The following SORCS3 variants were observed in gnomAD, a reference collection of about 807,000 sequenced individuals.
The protein encoded by SORCS3 is sortilin related VPS10 domain containing receptor 3.
Under a neutral mutation model 146.3 loss-of-function variants are expected in SORCS3, and 57 were observed. That is an observed-to-expected ratio of 0.39 (90% CI 0.31 to 0.49). SORCS3 has a LOEUF of 0.49. Ranked by LOEUF, SORCS3 falls within the 20% of genes least tolerant of loss-of-function variation. The probability of loss-of-function intolerance (pLI) is 0.92; values close to 1 mark genes in which losing one functional copy is unlikely to be tolerated. For missense variants in SORCS3, 1,341 were observed against 1,575.5 expected (o/e 0.85, Z 2.52); for synonymous variants, 653 against 618.5 (o/e 1.06, Z -0.83).
intron 1 of SORCS3, among the ~76,000 whole-genome samples, chr10:104,816,568 C>T (rs758914045): frequency 1.3e-5 from 2 of 152,208 alleles, no homozygotes; most frequent in Non-Finnish European, 2.9e-5. Context: ...CAGAGGTACA[C>T]CCAAGTGCAG....
intron 1 of SORCS3, among the ~76,000 whole-genome samples, chr10:104,840,147 A>G (rs937404996): frequency 2.0e-5 from 3 of 152,120 alleles, no homozygotes; most frequent in Non-Finnish European, 2.9e-5. Context: ...TGCTTAGTCA[A>G]TTATGCTTCC....
At chr10:104,994,378 G>A (rs76828960) in intron 4 of SORCS3, among the ~76,000 whole-genome samples, 11,366 of 152,202 alleles carry the variant, frequency 0.075, 472 homozygotes, top group African/African-American at 0.1. Flanking sequence ...ATGCTCATAA[G>A]CATTATTTAA....
intron 18 of SORCS3, among the ~76,000 whole-genome samples, chr10:105,215,602 A>G (rs957626184): frequency 2.6e-5 from 4 of 152,224 alleles, no homozygotes; most frequent in Non-Finnish European, 4.4e-5. Flanking sequence ...TTCCAGGACC[A>G]CAGCTATAAA....
chr10:105,204,286 C>T (rs1450543223), intron 16 of SORCS3, among the ~76,000 whole-genome samples: 1 of 152,082 alleles, frequency 6.6e-6, no homozygotes, highest in Non-Finnish European at 1.5e-5. Flanking sequence ...TTAAATTCCA[C>T]ATTCTCTCCT....
intron 16 of SORCS3, among the ~76,000 whole-genome samples, chr10:105,207,848 A>G (rs1418630280): frequency 6.6e-6 from 1 of 152,200 alleles, no homozygotes; most frequent in Non-Finnish European, 1.5e-5. Flanking sequence ...ACACGGTTAT[A>G]TTTAGCAAAG....
chr10:105,038,357 C>A (rs908453477), intron 4 of SORCS3, among the ~76,000 whole-genome samples: 10 of 152,170 alleles, frequency 6.6e-5, no homozygotes, highest in Admixed American at 6.5e-4. Context: ...GATGCATTGC[C>A]TGTATAAGGA....
intron 1 of SORCS3, among the ~76,000 whole-genome samples, chr10:104,671,251 T>A (rs1251068530): frequency 6.6e-6 from 1 of 150,956 alleles, no homozygotes; most frequent in Non-Finnish European, 1.5e-5. Flanking sequence ...CAGTCTTTTA[T>A]GATTGAGTAT....
Position 104,643,713 on chromosome 10 carries a change from T to G in SORCS3, c.627+1759T>G, listed in dbSNP as rs543858754. Among the ~76,000 whole-genome samples the G allele has an allele frequency of 2.5e-3, 359 of 142,556 alleles. 3 individuals carry two copies. Among genetic ancestry groups the G allele is most frequent in the South Asian group, 0.024 (110 of 4,544 alleles). 93.5% of individuals were successfully genotyped at this position (142,556 alleles called of 152,430 possible). A position where few individuals can be genotyped will look rare whatever the true frequency, so the allele number is the denominator to read the frequency against. ...TCATTTTAGTTTGATAATTAGGGTG[T>G]GTGTGTGTGTGTGTGTGTGTGTGTG... On this transcript the variant is annotated intron_variant, in intron 1 of 26. Coordinates refer to ENST00000369701, the MANE Select transcript of SORCS3 (RefSeq NM_014978.3).
chr10:105,197,533 A>T (rs2056550627), intron 14 of SORCS3, among the ~76,000 whole-genome samples: 1 of 152,202 alleles, frequency 6.6e-6, no homozygotes, highest in Non-Finnish European at 1.5e-5. Flanking sequence ...TGTAGAAAAA[A>T]ACAGGTTATT....
At chr10:104,713,398 T>C (rs560894581) in intron 1 of SORCS3, among the ~76,000 whole-genome samples, 1 of 152,302 alleles carries the variant, frequency 6.6e-6, no homozygotes, top group Admixed American at 6.5e-5. Context: ...TTTTTCTTTT[T>C]CTTAGCTCAT....
intron 3 of SORCS3, among the ~76,000 whole-genome samples, chr10:104,950,190 C>A (rs536591475): frequency 6.6e-6 from 1 of 152,140 alleles, no homozygotes; most frequent in Non-Finnish European, 1.5e-5. Context: ...ACTCAAGATC[C>A]TTTTCAAAAT....
chr10:104,935,603 A>G (rs2019252172), intron 3 of SORCS3, among the ~76,000 whole-genome samples: 1 of 152,204 alleles, frequency 6.6e-6, no homozygotes, highest in South Asian at 2.1e-4. Flanking sequence ...TTCTGGAGTC[A>G]TTCCCAGGAG....
intron 14 of SORCS3, among the ~76,000 whole-genome samples, chr10:105,188,986 A>T (rs1037286730): frequency 2.6e-5 from 4 of 152,200 alleles, no homozygotes; most frequent in Non-Finnish European, 4.4e-5. Flanking sequence ...GCTTAGAGGA[A>T]TGAGAAATAA....
intron 25 of SORCS3, among the ~76,000 whole-genome samples, chr10:105,260,223 G>T (rs1338070014): frequency 6.6e-6 from 1 of 152,140 alleles, no homozygotes; most frequent in Non-Finnish European, 1.5e-5. Context: ...CAGGAAAGGG[G>T]AGGCAGTTGA....
intron 7 of SORCS3, among the ~76,000 whole-genome samples, chr10:105,116,939 A>C (rs1257820988): frequency 1.3e-5 from 2 of 152,124 alleles, no homozygotes; most frequent in African/African-American, 4.8e-5. Context: ...TAGGTACTAT[A>C]CTTATTACCT....
At chr10:104,849,786 C>T (rs2133552326) in intron 2 of SORCS3, among the ~76,000 whole-genome samples, 1 of 152,296 alleles carries the variant, frequency 6.6e-6, no homozygotes, top group African/African-American at 2.4e-5. Flanking sequence ...CTCAGCCAGG[C>T]TCCAGATGAC....
intron 1 of SORCS3, among the ~76,000 whole-genome samples, chr10:104,690,096 T>C (rs2016094293): frequency 6.6e-6 from 1 of 152,178 alleles, no homozygotes. Context: ...CTGGGTCGGC[T>C]CTGGGTCTGG....
intron 1 of SORCS3, among the ~76,000 whole-genome samples, chr10:104,722,630 C>G (rs1396316060): frequency 1.3e-5 from 2 of 152,062 alleles, no homozygotes; most frequent in African/African-American, 4.8e-5. Flanking sequence ...GGTTGGTAAG[C>G]TATTAATTAT....
At chr10:105,107,413 C>A (rs1000860402) in intron 7 of SORCS3, among the ~76,000 whole-genome samples, 1 of 151,004 alleles carries the variant, frequency 6.6e-6, no homozygotes, top group African/African-American at 2.4e-5. Context: ...AATTGTTTCT[C>A]GGAAACATGA....
Sources: allele counts gnomAD v4.1 joint callset (sites outside exome capture counted in the v4.1 genomes callset), GRCh38; gene constraint gnomAD v4.1.1; transcripts MANE v1.5; gene names NCBI Gene and HGNC (gene_info 2026-07-23, HGNC 2026-07-21).